The following ADGRG1 variants were observed in gnomAD, a reference collection of about 807,000 sequenced individuals.
The protein encoded by ADGRG1 is 7-transmembrane protein with no EGF-like N-terminal domains-1.
A neutral mutation model predicts 73.5 loss-of-function variants in ADGRG1; 53 were observed. The ratio of observed to expected loss-of-function variants is 0.72; its 90% CI spans 0.58 to 0.91. The LOEUF is 0.91. ADGRG1 is among the 40% of genes least tolerant of loss of function. The probability of loss-of-function intolerance (pLI) is 0.00; values close to 1 mark genes in which losing one functional copy is unlikely to be tolerated. For missense variants in ADGRG1, 795 were observed against 871.8 expected, an observed-to-expected ratio of 0.91 and a Z score of 1.11; for synonymous variants, 394 against 374.4, an observed-to-expected ratio of 1.05 and a Z score of -0.60.
At chr16:57,632,838 G>A (rs2038360166) in intron 1 of ADGRG1, 1 of 985,224 alleles carries the variant, frequency 1.0e-6, no homozygotes, top group African/African-American at 1.7e-5. Context: ...GCCTGGCGGT[G>A]GGGAGATGGC....
At position 57,621,396 on chromosome 16, in the gene ADGRG1, G is replaced by A. The variant is rs1165031213; in HGVS notation, c.-154+1G>A. 6.6e-6 allele frequency: 1 copy of A among 152,066 alleles called. No individual in the cohort carries two copies. The highest frequency in any genetic ancestry group is 2.4e-5 in the African/African-American group (1 of 41,376). 9.4% of individuals were successfully genotyped at this position (152,066 alleles called of 1,614,324 possible). Reference sequence around the variant, plus strand: ...AAGTGGTGGCAGTCCTGGTGTCCAGGTGAGGAAACGGAGGCGCCCTCTTTA... The same window carrying A: ...AAGTGGTGGCAGTCCTGGTGTCCAGATGAGGAAACGGAGGCGCCCTCTTTA... On this transcript the variant is annotated splice_donor_variant, in intron 2 of 4. Coordinates refer to the ADGRG1 transcript ENST00000561833. LOFTEE classifies it low-confidence loss of function (5UTR_SPLICE).
upstream of ADGRG1, among the ~76,000 whole-genome samples, chr16:57,625,182 CCATGACCTTCT>C (rs370644651): frequency 1.1e-3 from 170 of 152,298 alleles, 3 homozygotes; most frequent in African/African-American, 3.8e-3. Context: ...GCCAATGATG[CCATGACCTTCT>C]CTGGGCCTGG....
At chr16:57,624,694 C>A, upstream of ADGRG1, 1 of 983,358 alleles carries the variant, frequency 1.0e-6, no homozygotes, top group South Asian at 4.7e-5. Context: ...CTTCCTACTC[C>A]CCCAGGCCTC....
At chr16:57,644,316 C>T in intron 1 of ADGRG1, 1 of 461,390 alleles carries the variant, frequency 2.2e-6, no homozygotes, top group Non-Finnish European at 2.8e-6. Flanking sequence ...CTCATGCACA[C>T]AAGGACATTC....
In ADGRG1 at chr16:57,643,965, A is replaced by G. The variant is rs139509239; in HGVS notation, c.-35-6288A>G. ...GGGTCTGACAGGGGTGTCTACTTTG[A>G]GCTGTTGGGTACATGCTATTTCCAA... On this transcript the variant is annotated intron_variant, in intron 1 of 13. Transcript: ENST00000562631. 1.8e-3 allele frequency: 1,731 copies of G among 984,824 alleles called. 16 individuals carry two copies. The African/African-American group carries it at 0.025, about 14-fold the overall frequency. The allele number at this position is 984,824 out of a possible 1,614,324, so 61.0% of individuals were successfully genotyped here.
At chr16:57,651,823 C>T (rs1352916320) in intron 3 of ADGRG1, 38 of 1,465,030 alleles carry the variant, frequency 2.6e-5, no homozygotes, top group Middle Eastern at 2.5e-4. Context: ...CCACTGCGCT[C>T]GGCCCCACTG....
chr16:57,644,264 A>C (rs2147874127), intron 1 of ADGRG1: 1 of 850,612 alleles, frequency 1.2e-6, no homozygotes, highest in African/African-American at 1.8e-5. Context: ...ACAGTCATGC[A>C]CGGGCACACA....
At chr16:57,631,191 A>G in intron 1 of ADGRG1, 1 of 986,698 alleles carries the variant, frequency 1.0e-6, no homozygotes, top group Non-Finnish European at 1.2e-6. Flanking sequence ...GGGGAAGGAC[A>G]GGAGAGAGGT....
chr16:57,628,422 C>T (rs2036330756), upstream of ADGRG1: 1 of 649,052 alleles, frequency 1.5e-6, no homozygotes, highest in Non-Finnish European at 1.9e-6. Flanking sequence ...GGCTGAGGTG[C>T]CCCCTTGCCC....
intron 10 of ADGRG1, among the ~76,000 whole-genome samples, chr16:57,658,272 A>G (rs1397574597): frequency 1.3e-5 from 2 of 152,230 alleles, no homozygotes; most frequent in Middle Eastern, 3.2e-3. Flanking sequence ...AGTGTTTTAC[A>G]TGTGTGAACT....
At chr16:57,627,721 C>T (rs2036118954), upstream of ADGRG1, 1 of 765,042 alleles carries the variant, frequency 1.3e-6, no homozygotes, top group Non-Finnish European at 1.5e-6. Context: ...AATCATCTAT[C>T]CTCATTGCTC....
intron 1 of ADGRG1, chr16:57,635,572 T>A: frequency 1.0e-6 from 1 of 985,402 alleles, no homozygotes; most frequent in Non-Finnish European, 1.2e-6. Context: ...CTTTAGTGAT[T>A]GCGATCTAGG....
intron 1 of ADGRG1, chr16:57,634,994 T>C: frequency 1.0e-6 from 1 of 985,252 alleles, no homozygotes; most frequent in Non-Finnish European, 1.2e-6. Context: ...CCTGTCCATG[T>C]GTAAATAGCT....
chr16:57,649,582 C>T (rs1171720543), intron 1 of ADGRG1, among the ~76,000 whole-genome samples: 3 of 152,056 alleles, frequency 2.0e-5, no homozygotes, highest in South Asian at 2.1e-4. Flanking sequence ...GTGTTCCCTC[C>T]GGGCCTGGAG....
At chr16:57,623,319 C>T, upstream of ADGRG1, 1 of 765,712 alleles carries the variant, frequency 1.3e-6, no homozygotes, top group Non-Finnish European at 1.6e-6. Context: ...TGCCTCCTCC[C>T]TGACCACAAG....
chr16:57,641,621 A>G (rs2040860055), intron 1 of ADGRG1: 1 of 896,524 alleles, frequency 1.1e-6, no homozygotes, highest in Non-Finnish European at 1.3e-6. Context: ...GCTGGAGTGC[A>G]GTGGTGTGAT....
chr16:57,659,673 T>C lies in ADGRG1; in HGVS notation c.1547T>C (p.Met516Thr). ...VPGYLLKLSA[M>T]GWGFPIFLVT... The stretch of plus-strand genomic sequence containing the variant: ...GGCTACCTACTCAAGCTGAGCGCCA[T>C]GGGCTGGGGTAAGTGGTTGGGCGGG... The change falls in exon 11 of 14, where the codon ATG becomes ACG. Residue 516 changes from methionine (M) to threonine (T), a missense_variant. Transcript: ENST00000562631. 1.2e-6 allele frequency: 2 copies of C among 1,613,744 alleles called. No homozygotes were observed. The highest frequency in any genetic ancestry group is 1.7e-6 in the Non-Finnish European group (2 of 1,179,942).
intron 1 of ADGRG1, chr16:57,629,919 T>G: frequency 1.3e-6 from 1 of 749,050 alleles, no homozygotes; most frequent in Non-Finnish European, 1.6e-6. Flanking sequence ...GATGTTCATT[T>G]TACTGCGTAG....
At chr16:57,641,060 T>C (rs1422169403) in intron 1 of ADGRG1, 64 of 984,970 alleles carry the variant, frequency 6.5e-5, no homozygotes, top group Non-Finnish European at 7.7e-5. Context: ...GCTACCAGCT[T>C]GGAGGTAAGC....
Sources: gnomAD v4.1 joint callset for allele counts (sites outside exome capture counted in the v4.1 genomes callset) on GRCh38, gnomAD v4.1.1 for gene constraint, MANE v1.5 for transcripts, NCBI Gene and HGNC (gene_info 2026-07-23, HGNC 2026-07-21) for gene names.